The following IL1RAPL2 variants were observed in gnomAD, a reference collection of about 807,000 sequenced individuals.
The protein encoded by IL1RAPL2 is interleukin 1 receptor accessory protein like 2, also known as X-linked interleukin-1 receptor accessory protein-like 2.
Under a neutral mutation model 44.1 loss-of-function variants are expected in IL1RAPL2, and 3 were observed. The ratio of observed to expected loss-of-function variants is 0.07; its 90% CI spans 0.03 to 0.18. The LOEUF (loss-of-function observed/expected upper bound fraction) is 0.18, where lower values mean the gene tolerates loss of function less well. Among genes scored for constraint, IL1RAPL2 ranks in the 10% least tolerant of loss-of-function variants. The pLI, the probability that IL1RAPL2 is intolerant of heterozygous loss-of-function variation, is 1.00. For missense variants in IL1RAPL2, 391 were observed against 496.4 expected (o/e 0.79, Z 2.02); for synonymous variants, 181 against 178.8 (o/e 1.01, Z -0.10).
intron 5 of IL1RAPL2, among the ~76,000 whole-genome samples, chrX:105,325,979 T>G (rs1475389797): frequency 9.0e-6 from 1 of 111,623 alleles, no homozygotes; most frequent in Non-Finnish European, 1.9e-5. Flanking sequence ...GGTGAATGTT[T>G]TTTACCGAAT....
intron 6 of IL1RAPL2, among the ~76,000 whole-genome samples, chrX:105,662,341 T>A (rs763203885): frequency 8.9e-6 from 1 of 111,993 alleles, no homozygotes; most frequent in South Asian, 3.8e-4. Flanking sequence ...ACTCTCAGAA[T>A]CTCCCTTTGT....
intron 2 of IL1RAPL2, among the ~76,000 whole-genome samples, chrX:104,914,663 C>A (rs1273171888): frequency 1.8e-5 from 2 of 110,189 alleles, no homozygotes; most frequent in African/African-American, 6.6e-5. Context: ...TGTGCTGCAC[C>A]CATTAAGTCG....
chrX:105,440,317 G>T (rs776119865), intron 5 of IL1RAPL2, among the ~76,000 whole-genome samples: 1 of 112,088 alleles, frequency 8.9e-6, no homozygotes, highest in Non-Finnish European at 1.9e-5. Flanking sequence ...CTGGTGAAAA[G>T]ATGGCATAAT....
intron 6 of IL1RAPL2, among the ~76,000 whole-genome samples, chrX:105,631,539 TAAAC>T (rs1431056396): frequency 8.9e-6 from 1 of 112,134 alleles, no homozygotes; most frequent in African/African-American, 3.2e-5. Flanking sequence ...CAGAAACGAA[TAAAC>T]AAACAAACCC....
chrX:104,788,193 G>C (rs1235982833), intron 2 of IL1RAPL2, among the ~76,000 whole-genome samples: 1 of 112,362 alleles, frequency 8.9e-6, no homozygotes, highest in African/African-American at 3.2e-5. Flanking sequence ...ACTTTGCATG[G>C]AAGAAAAGTT....
At chrX:105,217,266 A>G (rs1392523353) in intron 3 of IL1RAPL2, among the ~76,000 whole-genome samples, 1 of 111,217 alleles carries the variant, frequency 9.0e-6, no homozygotes, top group Non-Finnish European at 1.9e-5. Flanking sequence ...AGAAAAAAAC[A>G]AACAACCCCA....
chrX:105,327,523 G>A (rs2034949427), intron 5 of IL1RAPL2, among the ~76,000 whole-genome samples: 1 of 111,738 alleles, frequency 8.9e-6, no homozygotes, highest in African/African-American at 3.3e-5. Context: ...TAGCCAAGAT[G>A]ATGTGACTTG....
rs1056815973 is a variant in IL1RAPL2, at chrX:105,345,108, C to T, written c.697+77567C>T. On this transcript the variant is annotated intron_variant, in intron 5 of 10. Transcript: ENST00000372582. ...AAATATAAAAATGAGAACCGAGTTT[C>T]ATTTTTAAAATACTTTTAGACGACT... 7.2e-5 allele frequency among the ~76,000 whole-genome samples: 8 copies of T among 111,639 alleles called. 1 individual carries two copies. The highest frequency in any genetic ancestry group is 2.6e-4 in the African/African-American group (8 of 30,715).
Position 105,608,035 on chromosome X carries a change from T to C in IL1RAPL2, c.773-109332T>C, listed in dbSNP as rs1389597302. Among the ~76,000 whole-genome samples the C allele has an allele frequency of 2.7e-5, 3 of 111,296 alleles. No individual in the cohort carries two copies. In the Admixed American group the frequency reaches 2.9e-4, roughly 11 times the overall value. Reference sequence around the variant, plus strand: ...GCAATCTGGATTAGTCAGAAGAAGCTTTATAAGGGAACTGCTAAACTGTGA... The same window carrying C: ...GCAATCTGGATTAGTCAGAAGAAGCCTTATAAGGGAACTGCTAAACTGTGA... On this transcript the variant is annotated intron_variant, in intron 6 of 10. Transcript: ENST00000372582.
At chrX:104,819,193 G>T (rs760039177) in intron 2 of IL1RAPL2, among the ~76,000 whole-genome samples, 2 of 112,130 alleles carry the variant, frequency 1.8e-5, no homozygotes, top group Non-Finnish European at 3.8e-5. Context: ...TAAACCAATC[G>T]TAAATTGAAA....
chrX:104,790,656 T>C (rs1932821000), intron 2 of IL1RAPL2, among the ~76,000 whole-genome samples: 1 of 111,455 alleles, frequency 9.0e-6, no homozygotes, highest in Admixed American at 9.5e-5. Context: ...AAAAAAAACC[T>C]TCAAGCAGTA....
intron 6 of IL1RAPL2, among the ~76,000 whole-genome samples, chrX:105,506,670 G>C (rs1330029910): frequency 9.0e-6 from 1 of 111,574 alleles, no homozygotes; most frequent in East Asian, 2.8e-4. Flanking sequence ...TGCATATAAT[G>C]GTTGTTGGCA....
At chrX:104,840,481 CA>C (rs1028624802) in intron 2 of IL1RAPL2, among the ~76,000 whole-genome samples, 4 of 111,010 alleles carry the variant, frequency 3.6e-5, no homozygotes, top group African/African-American at 1.3e-4. Context: ...GTTTTACTTC[CA>C]ATAATGTGGT....
At chrX:104,599,019 T>C (rs1210178412) in intron 1 of IL1RAPL2, among the ~76,000 whole-genome samples, 1 of 112,333 alleles carries the variant, frequency 8.9e-6, no homozygotes, top group African/African-American at 3.2e-5. Flanking sequence ...AAGTCATTTG[T>C]AGAAGCTTGA....
intron 3 of IL1RAPL2, chrX:105,218,800 A>C: frequency 4.6e-6 from 2 of 437,346 alleles, no homozygotes; most frequent in Non-Finnish European, 7.6e-6. Context: ...CACCACCCCT[A>C]TCTCTGAAGT....
intron 2 of IL1RAPL2, among the ~76,000 whole-genome samples, chrX:105,106,044 T>G (rs946012829): frequency 1.8e-5 from 2 of 111,779 alleles, no homozygotes; most frequent in East Asian, 2.8e-4. Flanking sequence ...GGTGCAGAGA[T>G]AGTGAAAAAG....
At chrX:105,321,452 A>C (rs984428069) in intron 5 of IL1RAPL2, among the ~76,000 whole-genome samples, 3 of 112,228 alleles carry the variant, frequency 2.7e-5, no homozygotes, top group Non-Finnish European at 5.6e-5. Context: ...GTGTAAAATT[A>C]AAATGCAAGG....
chrX:105,675,823 T>C (rs1216730877), intron 6 of IL1RAPL2, among the ~76,000 whole-genome samples: 1 of 111,894 alleles, frequency 8.9e-6, no homozygotes, highest in Non-Finnish European at 1.9e-5. Flanking sequence ...TATTTATGAT[T>C]GCTTTAATTT....
intron 2 of IL1RAPL2, among the ~76,000 whole-genome samples, chrX:104,677,450 C>A (rs780534166): frequency 1.8e-5 from 2 of 111,184 alleles, no homozygotes; most frequent in African/African-American, 6.5e-5. Flanking sequence ...GGCAGTCTGC[C>A]GGTTCTCAGA....
Sources: allele counts gnomAD v4.1 joint callset (sites outside exome capture counted in the v4.1 genomes callset), GRCh38; gene constraint gnomAD v4.1.1; transcripts MANE v1.5; gene names NCBI Gene and HGNC (gene_info 2026-07-23, HGNC 2026-07-21).